The following TMEM231 variants were observed in gnomAD, a reference collection of about 807,000 sequenced individuals.
TMEM231 encodes the protein transmembrane protein 231.
In TMEM231, 40 loss-of-function variants were observed where a neutral mutation model predicts 38.5. That is an observed-to-expected ratio of 1.04 (90% CI 0.81 to 1.35). The LOEUF (loss-of-function observed/expected upper bound fraction) is 1.35. Among genes scored for constraint, TMEM231 ranks in the 40% most tolerant of loss-of-function variants. TMEM231 has a pLI of 0.00. For missense variants in TMEM231, 420 were observed against 416.9 expected (o/e 1.01, Z -0.07); for synonymous variants, 199 against 181.7 (o/e 1.10, Z -0.77).
At position 75,548,788 on chromosome 16, in the gene TMEM231, G is replaced by A. The variant is rs576094448; in HGVS notation, c.310-2834C>T. On this transcript the variant is annotated intron_variant, in intron 2 of 6. Transcript: ENST00000258173. ...GGAGGCTGAGGCAGGAGAATCGCTT[G>A]AACCCAGAAGGTGGAGGTTGCAGTG... Among the ~76,000 whole-genome samples the A allele has an allele frequency of 1.4e-4, 22 of 152,346 alleles. 1 individual carries two copies. Among genetic ancestry groups the A allele is most frequent in the African/African-American group, 4.8e-4 (20 of 41,580 alleles).
At position 75,545,442 on chromosome 16, in the gene TMEM231, A is replaced by G. The variant is rs754580796; in HGVS notation, c.492T>C (p.Pro164=). Residue 164 remains proline, a synonymous_variant, in exon 4 of 7, where the codon CCT becomes CCC. Transcript: ENST00000258173. ...QSMAFLQSSF[P]VPGSQLYVNG... is the part of the protein sequence containing the mutation. The stretch of plus-strand genomic sequence containing the variant: ...TCACGTATAACTGGGATCCCGGGAC[A>G]GGAAAGGAGGACTGGAGAAACGCCA... 8 of 1,603,780 alleles carry G rather than the reference A, an allele frequency of 5.0e-6. No individual in the cohort carries two copies. The highest frequency in any genetic ancestry group is 6.8e-6 in the Non-Finnish European group (8 of 1,174,214).
At chr16:75,545,056 A>G (rs1254594345) in intron 4 of TMEM231, among the ~76,000 whole-genome samples, 1 of 147,324 alleles carries the variant, frequency 6.8e-6, no homozygotes, top group Non-Finnish European at 1.5e-5. Context: ...CCTGGGTTCA[A>G]GCAATTCTCC....
At chr16:75,545,559 A>G in intron 3 of TMEM231, 64 bp from the exon 4 acceptor site, 3 of 1,244,528 alleles carry the variant, frequency 2.4e-6, no homozygotes, top group Non-Finnish European at 3.3e-6. Flanking sequence ...CTGGGTGCTA[A>G]GAGTCACCTG....
At chr16:75,543,903 A>G (rs1179268250) in intron 4 of TMEM231, among the ~76,000 whole-genome samples, 1 of 152,242 alleles carries the variant, frequency 6.6e-6, no homozygotes, top group Non-Finnish European at 1.5e-5. Flanking sequence ...GTCTGGGTTT[A>G]TGGCTGTAAT....
chr16:75,555,673 G>T, intron 2 of TMEM231, 131 bp downstream of exon 2: 1 of 918,616 alleles, frequency 1.1e-6, no homozygotes, highest in Non-Finnish European at 1.5e-6. Flanking sequence ...CGCCACCTTT[G>T]CGGGTTCGCG....
Position 75,541,388 on chromosome 16 carries a change from C to A in TMEM231, c.732G>T (p.Val244=). The A allele has an allele frequency of 1.2e-6, 2 of 1,611,762 alleles. No homozygotes were observed. The highest frequency in any genetic ancestry group is 1.7e-6 in the Non-Finnish European group (2 of 1,178,664). ...LVGRAADAPF[V]INAIIRYPVE... The stretch of plus-strand genomic sequence containing the variant: ...CAGGGTATCGGATGATAGCATTAAT[C>A]ACAAATGGAGCATCTGCGGCCCTGC... Residue 244 remains valine, a synonymous_variant, in exon 6 of 7, where the codon GTG becomes GTT. Transcript: ENST00000258173.
rs921461558 is a variant in TMEM231, at chr16:75,539,330, G to C, written c.*664C>G. The C allele has an allele frequency of 6.6e-6, 1 of 152,540 alleles. No homozygotes were observed. The highest frequency in any genetic ancestry group is 6.5e-5 in the Admixed American group (1 of 15,292). 9.4% of individuals were successfully genotyped at this position (152,540 alleles called of 1,614,324 possible). A position where few individuals can be genotyped will look rare whatever the true frequency, so the allele number is the denominator to read the frequency against. On this transcript the variant is annotated 3_prime_UTR_variant, in exon 7 of 7. Coordinates refer to ENST00000258173, the MANE Select transcript of TMEM231 (RefSeq NM_001077418.3). ...AGGGCAAAGAGCCCAGTCACAGTAC[G>C]GCAAAGATCCAGGGCTGCTCAGCTG... is the stretch of plus-strand genomic sequence containing the variant.
intron 2 of TMEM231, among the ~76,000 whole-genome samples, chr16:75,553,669 C>A (rs2080784620): frequency 6.7e-6 from 1 of 149,528 alleles, no homozygotes; most frequent in African/African-American, 2.5e-5. Flanking sequence ...GCAAATTGTA[C>A]CACTTCTCTA....
chr16:75,547,311 G>A (rs1051772796), intron 2 of TMEM231, among the ~76,000 whole-genome samples: 2 of 152,102 alleles, frequency 1.3e-5, no homozygotes, highest in Non-Finnish European at 2.9e-5. Flanking sequence ...TAATAATAAG[G>A]TCATTTGAAA....
At chr16:75,556,016 C>T (rs1346000999) in intron 1 of TMEM231, 43 bp from the exon 2 acceptor site, 1 of 1,575,850 alleles carries the variant, frequency 6.3e-7, no homozygotes, top group East Asian at 2.3e-5. Flanking sequence ...GGGAGGCCGG[C>T]CCTGGCCGAG....
chr16:75,548,998 G>C lies in TMEM231; in HGVS notation c.310-3044C>G, dbSNP rs183731826. Among the ~76,000 whole-genome samples, 19 of 152,314 alleles carry C rather than the reference G, an allele frequency of 1.2e-4. 1 individual carries two copies. Among genetic ancestry groups the C allele is most frequent in the Admixed American group, 9.8e-4 (15 of 15,304 alleles). The stretch of plus-strand genomic sequence containing the variant: ...GAACATCTCAGAGAGGAGGGATCCA[G>C]GCTAATCAGGTACATGTGCTCTGGG... On this transcript the variant is annotated intron_variant, in intron 2 of 6. Coordinates refer to ENST00000258173, the MANE Select transcript of TMEM231 (RefSeq NM_001077418.3).
intron 2 of TMEM231, among the ~76,000 whole-genome samples, chr16:75,546,921 T>C (rs987910921): frequency 6.6e-6 from 1 of 152,116 alleles, no homozygotes; most frequent in African/African-American, 2.4e-5. Flanking sequence ...ACCATATCTA[T>C]TTGATAAATT....
rs1036045244 is a variant in TMEM231, at chr16:75,546,134, T to C, written c.310-180A>G. 5.2e-6 allele frequency: 8 copies of C among 1,529,810 alleles called. No individual in the cohort carries two copies. In the Admixed American group the frequency reaches 7.9e-5, roughly 15 times the overall value. The allele number at this position is 1,529,810 out of a possible 1,614,324, so 94.8% of individuals were successfully genotyped here. Reference sequence around the variant, plus strand: ...ATTAATACTGGGGAGAGACACAAAGTGCATGGTCCCTGAACTTCATATCTG... The same window carrying C: ...ATTAATACTGGGGAGAGACACAAAGCGCATGGTCCCTGAACTTCATATCTG... On this transcript the variant is annotated intron_variant, in intron 2 of 6. Transcript: ENST00000258173.
chr16:75,552,895 T>C (rs567259967), intron 2 of TMEM231, among the ~76,000 whole-genome samples: 1 of 152,294 alleles, frequency 6.6e-6, no homozygotes, highest in African/African-American at 2.4e-5. Flanking sequence ...TCTATAACCT[T>C]CAGTCCCTGT....
intron 2 of TMEM231, among the ~76,000 whole-genome samples, chr16:75,550,878 G>A (rs1020553764): frequency 2.6e-5 from 4 of 151,914 alleles, no homozygotes; most frequent in Non-Finnish European, 5.9e-5. Flanking sequence ...CATCACACCC[G>A]GCTAATTTTT....
intron 2 of TMEM231, among the ~76,000 whole-genome samples, chr16:75,547,496 A>G (rs1354194844): frequency 6.6e-6 from 1 of 152,170 alleles, no homozygotes; most frequent in Admixed American, 6.6e-5. Context: ...GCTGATGATC[A>G]AGTTACTGAG....
rs200390475 is a variant in TMEM231, at chr16:75,539,964, G to A, written c.*30C>T. 1.7e-5 allele frequency: 27 copies of A among 1,580,592 alleles called. No homozygotes were observed. The highest frequency in any genetic ancestry group is 2.7e-5 in the African/African-American group (2 of 74,052). Reference sequence around the variant, plus strand: ...CAGAAGATGACAATGAGGCAGCCACGGTCCTGCTGAGTCTTCAGAAATGGC... The same window carrying A: ...CAGAAGATGACAATGAGGCAGCCACAGTCCTGCTGAGTCTTCAGAAATGGC... On this transcript the variant is annotated 3_prime_UTR_variant, in exon 7 of 7. Coordinates refer to ENST00000258173, the MANE Select transcript of TMEM231 (RefSeq NM_001077418.3).
chr16:75,552,950 T>C (rs1567439682), intron 2 of TMEM231, among the ~76,000 whole-genome samples: 1 of 152,208 alleles, frequency 6.6e-6, no homozygotes, highest in African/African-American at 2.4e-5. Context: ...GTCAGCCTCC[T>C]TGAGGCTTGA....
Position 75,540,074 on chromosome 16 carries a change from C to T in TMEM231, c.871G>A (p.Val291Met), listed in dbSNP as rs373660568. 50 of 1,613,794 alleles carry T rather than the reference C, an allele frequency of 3.1e-5. No homozygotes were observed. The highest frequency in any genetic ancestry group is 1.8e-4 in the East Asian group (8 of 44,886). The change falls in exon 7 of 7, where the codon GTG (valine) becomes ATG (methionine). Residue 291 changes from valine (V) to methionine (M), a missense_variant. Coordinates refer to ENST00000258173, the MANE Select transcript of TMEM231 (RefSeq NM_001077418.3). ...GTGGTCACCACCTGATTCTGAAACA[C>T]GAAGATCTTGATTCTTTCAAACACC... ...LWVFERIKIF[V>M]FQNQVVTTIP... is the part of the protein sequence containing the mutation.
Sources: gnomAD v4.1 joint callset for allele counts (sites outside exome capture counted in the v4.1 genomes callset) on GRCh38, gnomAD v4.1.1 for gene constraint, MANE v1.5 for transcripts, NCBI Gene and HGNC (gene_info 2026-07-23, HGNC 2026-07-21) for gene names.